Variants in NTRK2 observed in about 807,000 individuals in gnomAD.
NTRK2 encodes BDNF/NT-3 growth factors receptor.
In NTRK2, 13 loss-of-function variants were observed where a neutral mutation model predicts 94.5. That is an observed-to-expected ratio of 0.14 (90% CI 0.09 to 0.22). NTRK2 has a LOEUF of 0.22. NTRK2 is among the 10% of genes least tolerant of loss of function. The pLI, the probability that NTRK2 is intolerant of heterozygous loss-of-function variation, is 1.00. For missense variants in NTRK2, 639 were observed against 1,071.2 expected, an observed-to-expected ratio of 0.60 and a Z score of 5.63; for synonymous variants, 372 against 407.4, an observed-to-expected ratio of 0.91 and a Z score of 1.05.
chr9:84,817,408 C>T (rs749563319), intron 12 of NTRK2, among the ~76,000 whole-genome samples: 1 of 152,174 alleles, frequency 6.6e-6, no homozygotes, highest in Non-Finnish European at 1.5e-5. Context: ...TTATCCAAGC[C>T]AATTCTTACA....
At chr9:84,763,386 G>A (rs778503803) in intron 12 of NTRK2, among the ~76,000 whole-genome samples, 1 of 151,788 alleles carries the variant, frequency 6.6e-6, no homozygotes, top group Non-Finnish European at 1.5e-5. Context: ...ATGGGGACAG[G>A]AAGAACATGA....
intron 14 of NTRK2, among the ~76,000 whole-genome samples, chr9:84,896,055 T>G (rs2076749145): frequency 6.6e-6 from 1 of 152,270 alleles, no homozygotes; most frequent in South Asian, 2.1e-4. Context: ...TTTTTGTTGT[T>G]GTTCTGTTTT....
intron 14 of NTRK2, among the ~76,000 whole-genome samples, chr9:84,920,849 G>C (rs1031726745): frequency 6.6e-6 from 1 of 152,322 alleles, no homozygotes; most frequent in South Asian, 2.1e-4. Flanking sequence ...CACAGGGACA[G>C]TGTCATCAGC....
intron 6 of NTRK2, among the ~76,000 whole-genome samples, chr9:84,716,597 A>G (rs1383803831): frequency 1.3e-5 from 2 of 152,202 alleles, no homozygotes; most frequent in Admixed American, 6.5e-5. Flanking sequence ...TTAGCAACTT[A>G]GTTGGATTGG....
In NTRK2 at chr9:84,934,257, T is replaced by C. The variant is rs1483760777; in HGVS notation, c.1729T>C (p.Cys577Arg). Residue 577 changes from cysteine (C) to arginine (R), a missense_variant, in exon 15 of 19, where the codon TGT becomes CGT. Cys to Arg is a radical substitution (Grantham distance 180). Coordinates refer to ENST00000277120, the MANE Select transcript of NTRK2 (RefSeq NM_006180.6). ...GTTCCTAGCTGAATGCTATAACCTC[T>C]GTCCTGAGCAGGACAAGATCTTGGT... ...KVFLAECYNLCPEQDKILVAV... is the reference protein window; with the variant it reads ...KVFLAECYNLRPEQDKILVAV... 1.2e-6 allele frequency: 2 copies of C among 1,614,050 alleles called. No homozygotes were observed. Among genetic ancestry groups the C allele is most frequent in the Non-Finnish European group, 1.7e-6 (2 of 1,179,934 alleles).
chr9:84,977,726 T>A (rs1296761855), intron 17 of NTRK2, among the ~76,000 whole-genome samples: 1 of 152,210 alleles, frequency 6.6e-6, no homozygotes, highest in East Asian at 1.9e-4. Flanking sequence ...TTCACTTTAT[T>A]GCACTATGCA....
chr9:85,014,405 C>G (rs546401969), intron 17 of NTRK2, among the ~76,000 whole-genome samples: 2 of 152,334 alleles, frequency 1.3e-5, no homozygotes, highest in South Asian at 4.1e-4. Flanking sequence ...ACAACAACAA[C>G]TCATGGGGAA....
At chr9:84,944,495 G>C (rs949721354) in intron 15 of NTRK2, among the ~76,000 whole-genome samples, 3 of 152,174 alleles carry the variant, frequency 2.0e-5, no homozygotes, top group African/African-American at 7.2e-5. Flanking sequence ...CACAGAATTT[G>C]TTCATGCCTT....
intron 12 of NTRK2, among the ~76,000 whole-genome samples, chr9:84,854,259 G>T (rs1263715073): frequency 6.6e-6 from 1 of 152,084 alleles, no homozygotes; most frequent in African/African-American, 2.4e-5. Context: ...AGTTCCCCAG[G>T]CATTTGAACT....
chr9:84,856,090 T>G (rs1403660365), intron 12 of NTRK2, among the ~76,000 whole-genome samples: 2 of 152,174 alleles, frequency 1.3e-5, no homozygotes, highest in Non-Finnish European at 2.9e-5. Context: ...AATACACACA[T>G]TTTTCTTTAT....
intron 12 of NTRK2, among the ~76,000 whole-genome samples, chr9:84,769,405 C>G (rs963795308): frequency 1.3e-5 from 2 of 152,114 alleles, no homozygotes; most frequent in African/African-American, 4.8e-5. Flanking sequence ...GAAGTTAAGC[C>G]AGATTTCCTT....
At chr9:84,719,451 T>C (rs1306514058) in intron 6 of NTRK2, among the ~76,000 whole-genome samples, 1 of 152,200 alleles carries the variant, frequency 6.6e-6, no homozygotes, top group Non-Finnish European at 1.5e-5. Flanking sequence ...CATTAGATTT[T>C]ATAGGAAAAA....
intron 12 of NTRK2, chr9:84,811,620 G>A: frequency 9.4e-7 from 1 of 1,065,352 alleles, no homozygotes; most frequent in Non-Finnish European, 1.1e-6. Context: ...ATTCTAAGAA[G>A]GATAGTCCCC....
chr9:84,709,909 C>A (rs1018837877), intron 5 of NTRK2, among the ~76,000 whole-genome samples: 6 of 151,946 alleles, frequency 3.9e-5, no homozygotes, highest in African/African-American at 1.5e-4. Flanking sequence ...CCACAGTGGT[C>A]TAACGCAGCT....
intron 17 of NTRK2, among the ~76,000 whole-genome samples, chr9:84,975,696 T>C (rs12349624): frequency 0.48 from 73,075 of 152,002 alleles, 17,987 homozygotes; most frequent in Middle Eastern, 0.55. Flanking sequence ...TTCAAAATAA[T>C]CTTTTTAGCA....
In NTRK2 at chr9:84,925,385, T is replaced by C. The variant is rs558513354; in HGVS notation, c.1634-8777T>C. Among the ~76,000 whole-genome samples the C allele has an allele frequency of 1.9e-3, 284 of 152,178 alleles. 2 individuals carry two copies. The highest frequency in any genetic ancestry group is 6.7e-3 in the African/African-American group (277 of 41,530). ...CCGTTTCCCACAGGCTCGGCCTCCATTCTTCAGTCCTGGCTTCCATTTCCT... is the reference window on the plus strand; with the variant it reads ...CCGTTTCCCACAGGCTCGGCCTCCACTCTTCAGTCCTGGCTTCCATTTCCT... On this transcript the variant is annotated intron_variant, in intron 14 of 18. Coordinates refer to ENST00000277120, the MANE Select transcript of NTRK2 (RefSeq NM_006180.6).
intron 17 of NTRK2, among the ~76,000 whole-genome samples, chr9:84,965,158 GA>G (rs34814581): frequency 1.3e-5 from 2 of 151,844 alleles, no homozygotes; most frequent in African/African-American, 4.8e-5. Flanking sequence ...AGAAGGCTTT[GA>G]AAAAAAATGT....
chr9:84,865,300 A>G (rs1309172798), intron 13 of NTRK2, among the ~76,000 whole-genome samples: 2 of 152,196 alleles, frequency 1.3e-5, no homozygotes, highest in Admixed American at 6.5e-5. Context: ...GCCGGAGCGC[A>G]TCATTAAAGG....
At chr9:84,960,323 C>T (rs1824751619) in intron 17 of NTRK2, among the ~76,000 whole-genome samples, 1 of 152,180 alleles carries the variant, frequency 6.6e-6, no homozygotes, top group Non-Finnish European at 1.5e-5. Flanking sequence ...CCTTACCCTA[C>T]TCACCTTAGA....
Sources: allele counts gnomAD v4.1 joint callset (sites outside exome capture counted in the v4.1 genomes callset), GRCh38; gene constraint gnomAD v4.1.1; transcripts MANE v1.5; gene names NCBI Gene and HGNC (gene_info 2026-07-23, HGNC 2026-07-21).